MYO19: variants seen among roughly 807,000 people sequenced by gnomAD.
MYO19 encodes the protein unconventional myosin-XIX.
Under a neutral mutation model 129.2 loss-of-function variants are expected in MYO19, and 132 were observed. The observed-to-expected ratio is 1.02, with a 90% confidence interval of 0.89 to 1.18. MYO19 has a LOEUF of 1.18. Among genes scored for constraint, MYO19 ranks in the 50% most tolerant of loss-of-function variants. MYO19 has a pLI of 0.00. For synonymous variants in MYO19, 531 were observed against 477.2 expected (o/e 1.11, Z -1.47); for missense variants, 1,210 against 1,216.7 (o/e 0.99, Z 0.08).
At chr17:36,537,602 G>C (rs1373476137), upstream of MYO19, 1 of 1,613,992 alleles carries the variant, frequency 6.2e-7, no homozygotes, top group African/African-American at 1.3e-5. Context: ...CAGGAGCAAT[G>C]GATTTTGGAG....
At chr17:36,515,741 C>T (rs1212729985) in intron 7 of MYO19, 117 bp downstream of exon 7, 1 of 1,117,984 alleles carries the variant, frequency 8.9e-7, no homozygotes, top group Non-Finnish European at 1.3e-6. Context: ...GTGAAGGATA[C>T]ACTCATCCTC....
intron 3 of MYO19, among the ~76,000 whole-genome samples, chr17:36,529,725 C>T (rs898985375): frequency 1.3e-5 from 2 of 152,120 alleles, no homozygotes. Context: ...AAAACCACCA[C>T]TACACAAACC....
In MYO19 at chr17:36,501,165, G is replaced by A. The variant is rs1368959557; in HGVS notation, c.2151C>T (p.Val717=). 1.2e-6 allele frequency: 2 copies of A among 1,614,038 alleles called. No homozygotes were observed. The highest frequency in any genetic ancestry group is 1.7e-6 in the Non-Finnish European group (2 of 1,179,894). The change falls in exon 22 of 26, where the codon GTC becomes GTT. Residue 717 remains valine (V), a synonymous_variant. Coordinates refer to ENST00000614623, the MANE Select transcript of MYO19 (RefSeq NM_001163735.2). ...LIQDILHTLP[V]LTQAAAITGD... ...CAGTTATGGCTGCTGCCTGAGTTAG[G>A]ACCGGCAGAGTGTGGAGAATGTCCT...
At chr17:36,528,711 G>A (rs981306062) in intron 3 of MYO19, among the ~76,000 whole-genome samples, 5 of 151,988 alleles carry the variant, frequency 3.3e-5, no homozygotes, top group Non-Finnish European at 5.9e-5. Flanking sequence ...TTGTTTATTC[G>A]TAAATAAAGG....
chr17:36,500,517 G>A (rs930423651), intron 23 of MYO19: 1 of 338,966 alleles, frequency 3.0e-6, no homozygotes, highest in African/African-American at 2.0e-5. Flanking sequence ...GGTTTGAGTT[G>A]TCATAAAGGG....
chr17:36,505,028 G>A, intron 19 of MYO19: 4 of 660,224 alleles, frequency 6.1e-6, no homozygotes, highest in Non-Finnish European at 1.1e-5. Context: ...ATTCCTCTGG[G>A]CAGTTTCAGT....
intron 16 of MYO19, 51 bp downstream of exon 16, chr17:36,507,348 G>A: frequency 1.9e-6 from 3 of 1,564,018 alleles, no homozygotes; most frequent in Non-Finnish European, 2.6e-6. Context: ...CAAGGCCCCA[G>A]AAAACCCAAA....
At chr17:36,527,970 G>T in intron 4 of MYO19, 94 bp downstream of exon 4, 5 of 1,507,200 alleles carry the variant, frequency 3.3e-6, no homozygotes, top group East Asian at 2.3e-5. Context: ...GAGTCCTGCC[G>T]ACCTCCGTCT....
chr17:36,527,461 T>G, intron 5 of MYO19, 90 bp downstream of exon 5: 1 of 1,407,660 alleles, frequency 7.1e-7, no homozygotes, highest in Non-Finnish European at 9.5e-7. Flanking sequence ...ACATTGCTGG[T>G]GAATAGATGA....
Position 36,498,560 on chromosome 17 carries a change from C to A in MYO19, c.2464-1G>T. On this transcript the variant is annotated splice_acceptor_variant, in intron 24 of 25. Transcript: ENST00000614623. LOFTEE classifies it high-confidence loss of function. ...TAGCAGCAAGGCAGGCCATTCTGAT[C>A]TTAAAAAGCAAATATCCCTTTATAG... 6.2e-7 allele frequency: 1 copy of A among 1,606,088 alleles called. No individual in the cohort carries two copies. The highest frequency in any genetic ancestry group is 1.7e-5 in the Admixed American group (1 of 59,550).
In MYO19 at chr17:36,514,320, G is replaced by C. The variant is rs1003876540; in HGVS notation, c.720+126C>G. 1.1e-5 allele frequency: 8 copies of C among 696,616 alleles called. No homozygotes were observed. The African/African-American group carries it at 1.2e-4, about 11-fold the overall frequency. 43.2% of individuals were successfully genotyped at this position (696,616 alleles called of 1,614,324 possible). A position where few individuals can be genotyped will look rare whatever the true frequency, so the allele number is the denominator to read the frequency against. ...CTGCATGTAAAGTCTGCAGGATAAA[G>C]TGGTGGCTCCATCAAAAGCTAGGTG... On this transcript the variant is annotated intron_variant, in intron 9 of 25. Coordinates refer to ENST00000614623, the MANE Select transcript of MYO19 (RefSeq NM_001163735.2).
Position 36,525,110 on chromosome 17 carries a change from C to G in MYO19, c.414+118G>C, listed in dbSNP as rs2073380043. 5.1e-5 allele frequency: 38 copies of G among 749,044 alleles called. No individual in the cohort carries two copies. The South Asian group carries it at 6.1e-4, about 12-fold the overall frequency. 46.4% of individuals were successfully genotyped at this position (749,044 alleles called of 1,614,324 possible). On this transcript the variant is annotated intron_variant, in intron 6 of 25. Transcript: ENST00000614623. Reference sequence around the variant, plus strand: ...GTGCACCAACCCCAGCTTCAGCCAGCCTATGTGGGAATGATTAGGAAGCAA... The same window carrying G: ...GTGCACCAACCCCAGCTTCAGCCAGGCTATGTGGGAATGATTAGGAAGCAA...
At position 36,496,012 on chromosome 17, in the gene MYO19, GTTTC is replaced by G. The variant is rs2142572634; in HGVS notation, c.*235_*238del. On this transcript the variant is annotated 3_prime_UTR_variant, in exon 26 of 26. Coordinates refer to ENST00000614623, the MANE Select transcript of MYO19 (RefSeq NM_001163735.2). Reference sequence around the variant, plus strand: ...GAAGGTAGTGAAATGTGGCCCTGATGTTTCTTAACCCTGATTTGGTAACTACCAG... The same window carrying G: ...GAAGGTAGTGAAATGTGGCCCTGATGTTAACCCTGATTTGGTAACTACCAG... 1.3e-6 allele frequency: 1 copy of G among 783,086 alleles called. No homozygotes were observed. The highest frequency in any genetic ancestry group is 2.9e-5 in the East Asian group (1 of 34,900). 48.5% of individuals were successfully genotyped at this position (783,086 alleles called of 1,614,324 possible).
chr17:36,507,742 G>A (rs1054014135), intron 15 of MYO19, 61 bp downstream of exon 15: 1 of 1,505,586 alleles, frequency 6.6e-7, no homozygotes, highest in East Asian at 2.4e-5. Context: ...GGGGCTGGAA[G>A]GTCAGGAAGG....
At position 36,506,545 on chromosome 17, in the gene MYO19, G is replaced by C. The variant is rs766994497; in HGVS notation, c.1708C>G (p.Leu570Val). 10 of 1,589,240 alleles carry C rather than the reference G, an allele frequency of 6.3e-6. No individual in the cohort carries two copies. The East Asian group carries it at 2.0e-4, about 32-fold the overall frequency. The change falls in exon 18 of 26, where the codon CTG becomes GTG. Residue 570 changes from leucine (L) to valine (V), a missense_variant. By Grantham distance (32) the Leu-to-Val change is conservative. Transcript: ENST00000614623. ...QQSQDPLLMGLFPTNPKEKTQ... is the reference protein window; with the variant it reads ...QQSQDPLLMGVFPTNPKEKTQ... Reference sequence around the variant, plus strand: ...TTCTCTTTGGGGTTAGTAGGAAACAGCCCCATGAGCAGGGGGTCCTGGGAT... The same window carrying C: ...TTCTCTTTGGGGTTAGTAGGAAACACCCCCATGAGCAGGGGGTCCTGGGAT...
At chr17:36,530,920 CTTATTTAT>C (rs895441585) in intron 3 of MYO19, among the ~76,000 whole-genome samples, 2 of 151,986 alleles carry the variant, frequency 1.3e-5, no homozygotes, top group East Asian at 3.9e-4. Flanking sequence ...CGTGCCTGGC[CTTATTTAT>C]TTATTTATTT....
intron 6 of MYO19, among the ~76,000 whole-genome samples, chr17:36,516,803 C>T (rs1039413232): frequency 6.6e-6 from 1 of 152,250 alleles, no homozygotes; most frequent in Non-Finnish European, 1.5e-5. Context: ...TATCCTATCA[C>T]CTCACTAAAC....
At chr17:36,516,836 G>A (rs1212598690) in intron 6 of MYO19, among the ~76,000 whole-genome samples, 1 of 152,204 alleles carries the variant, frequency 6.6e-6, no homozygotes, top group African/African-American at 2.4e-5. Flanking sequence ...TTTAGTTGCA[G>A]TAAGGTGGCA....
intron 21 of MYO19, among the ~76,000 whole-genome samples, chr17:36,502,655 A>G (rs2071612202): frequency 6.6e-6 from 1 of 152,186 alleles, no homozygotes; most frequent in Admixed American, 6.5e-5. Flanking sequence ...AATAAAGTCC[A>G]GATTCCTTGA....
Sources: allele counts gnomAD v4.1 joint callset (sites outside exome capture counted in the v4.1 genomes callset), GRCh38; gene constraint gnomAD v4.1.1; transcripts MANE v1.5; gene names NCBI Gene and HGNC (gene_info 2026-07-23, HGNC 2026-07-21).